Variants in PHF8 observed in about 807,000 individuals in gnomAD.
PHF8 encodes histone lysine demethylase PHF8.
In PHF8, 9 loss-of-function variants were observed where a neutral mutation model predicts 74.4. That is an observed-to-expected ratio of 0.12 (90% CI 0.07 to 0.21). PHF8 has a LOEUF of 0.21. Ranked by LOEUF, PHF8 falls within the 10% of genes least tolerant of loss-of-function variation. PHF8 has a pLI of 1.00. For missense variants in PHF8, 478 were observed against 816.6 expected (o/e 0.59, Z 5.05); for synonymous variants, 311 against 316.6 (o/e 0.98, Z 0.19).
intron 19 of PHF8, among the ~76,000 whole-genome samples, chrX:53,951,885 A>G (rs2064929699): frequency 8.9e-6 from 1 of 112,030 alleles, no homozygotes; most frequent in Non-Finnish European, 1.9e-5. Flanking sequence ...AAAACTATCA[A>G]TCAGGAATTC....
chrX:53,949,628 C>A (rs1475151888), intron 19 of PHF8, among the ~76,000 whole-genome samples: 1 of 108,456 alleles, frequency 9.2e-6, no homozygotes, highest in African/African-American at 3.4e-5. Context: ...CTGGCTAACA[C>A]AGTGAAACCC....
rs373942891 is a variant in PHF8, at chrX:54,036,309, A to T, written c.98+6322T>A. The stretch of plus-strand genomic sequence containing the variant: ...AAACAAATCTCAATAAATGTAAAGG[A>T]ATTGAAATCATACAAAGTATATTCT... On this transcript the variant is annotated intron_variant, in intron 2 of 21. Transcript: ENST00000338154. Among the ~76,000 whole-genome samples, 466 of 110,048 alleles carry T rather than the reference A, an allele frequency of 4.2e-3. 3 individuals carry two copies. The highest frequency in any genetic ancestry group is 0.015 in the African/African-American group (440 of 30,326).
intron 19 of PHF8, among the ~76,000 whole-genome samples, chrX:53,949,681 A>G (rs1403050587): frequency 3.7e-5 from 4 of 107,532 alleles, no homozygotes; most frequent in Non-Finnish European, 7.7e-5. Context: ...GCGTGGTGAC[A>G]GGCGCCTGTA....
intron 6 of PHF8, among the ~76,000 whole-genome samples, chrX:54,016,027 C>T (rs1051366485): frequency 9.0e-6 from 1 of 111,213 alleles, no homozygotes; most frequent in South Asian, 3.7e-4. Flanking sequence ...AGAAGGGTGT[C>T]CTAAGGTCTT....
intron 18 of PHF8, among the ~76,000 whole-genome samples, chrX:53,973,311 T>C (rs1027146207): frequency 2.8e-4 from 31 of 111,858 alleles, no homozygotes; most frequent in Non-Finnish European, 3.8e-4. Flanking sequence ...AAAATTCACA[T>C]TGAATGAAAA....
chrX:53,969,160 G>A (rs782098937), intron 18 of PHF8, among the ~76,000 whole-genome samples: 4 of 110,130 alleles, frequency 3.6e-5, no homozygotes, highest in Admixed American at 9.7e-5. Flanking sequence ...ACTTGAATCC[G>A]GGGGACAAAG....
chrX:53,983,174 C>CAA (rs782226902), intron 18 of PHF8, among the ~76,000 whole-genome samples: 152 of 52,155 alleles, frequency 2.9e-3, no homozygotes, highest in African/African-American at 8.1e-3. Flanking sequence ...GACTGTGTCT[C>CAA]AAAAAAAAAA....
At chrX:53,962,409 T>G (rs1447319835) in intron 19 of PHF8, among the ~76,000 whole-genome samples, 2 of 111,277 alleles carry the variant, frequency 1.8e-5, no homozygotes, top group Non-Finnish European at 3.8e-5. Flanking sequence ...CATTCTTCCC[T>G]CCTCAGAGAT....
At chrX:54,044,965 T>A, upstream of PHF8, 2 of 909,261 alleles carry the variant, frequency 2.2e-6, no homozygotes, top group Non-Finnish European at 3.1e-6. Context: ...AAGGAAGCTC[T>A]GTGATTATCA....
At chrX:53,998,497 T>C (rs782337278) in intron 11 of PHF8, among the ~76,000 whole-genome samples, 2 of 110,740 alleles carry the variant, frequency 1.8e-5, no homozygotes, top group East Asian at 2.8e-4. Flanking sequence ...TAAAATGATA[T>C]TGAAAAGCTT....
At chrX:54,017,903 G>A in intron 4 of PHF8, 82 bp from the exon 5 acceptor site, 2 of 966,710 alleles carry the variant, frequency 2.1e-6, no homozygotes, top group Non-Finnish European at 2.9e-6. Context: ...CACCCAAGAG[G>A]TGGGGTTTTT....
intron 19 of PHF8, among the ~76,000 whole-genome samples, chrX:53,961,604 C>T (rs374041844): frequency 2.6e-4 from 29 of 111,587 alleles, no homozygotes; most frequent in African/African-American, 9.4e-4. Flanking sequence ...CAGGTGTGAG[C>T]CACCAGGCCC....
Position 53,939,066 on chromosome X carries a change from G to C in PHF8, c.*92C>G. On this transcript the variant is annotated 3_prime_UTR_variant, in exon 22 of 22. Transcript: ENST00000338154. ...GCAGGACAATGCACCTCAGCACCTT[G>C]TCCAGGGCAGATAGGATCCAGGAGT... 8.5e-7 allele frequency: 1 copy of C among 1,172,314 alleles called. No individual in the cohort carries two copies.
intron 4 of PHF8, among the ~76,000 whole-genome samples, chrX:54,021,797 A>G (rs1456129012): frequency 2.7e-5 from 3 of 110,692 alleles, no homozygotes; most frequent in African/African-American, 9.8e-5. Context: ...AAACCTGAAC[A>G]TGGTCTACTG....
intron 18 of PHF8, among the ~76,000 whole-genome samples, chrX:53,968,761 T>A (rs1224485726): frequency 1.8e-5 from 2 of 110,819 alleles, no homozygotes; most frequent in African/African-American, 6.6e-5. Flanking sequence ...ATACAAAAAA[T>A]TAGCTGGGCG....
chrX:53,970,949 T>C (rs782723473), intron 18 of PHF8, among the ~76,000 whole-genome samples: 1 of 110,844 alleles, frequency 9.0e-6, no homozygotes, highest in African/African-American at 3.3e-5. Flanking sequence ...AGACAGAAAA[T>C]TAACAAAGAT....
intron 18 of PHF8, among the ~76,000 whole-genome samples, chrX:53,979,413 T>TA (rs1298851069): frequency 2.7e-5 from 3 of 110,831 alleles, no homozygotes; most frequent in African/African-American, 9.8e-5. Flanking sequence ...AAATAAAATT[T>TA]AAAAAACGCT....
chrX:54,034,435 T>C (rs1292013421), intron 2 of PHF8, among the ~76,000 whole-genome samples: 3 of 111,570 alleles, frequency 2.7e-5, no homozygotes, highest in Non-Finnish European at 5.6e-5. Context: ...CAGAGTTCGA[T>C]ATGAAGTGAA....
chrX:53,997,129 C>T (rs1464148103), intron 11 of PHF8, among the ~76,000 whole-genome samples: 1 of 111,526 alleles, frequency 9.0e-6, no homozygotes, highest in African/African-American at 3.3e-5. Context: ...AAGTCAAGGA[C>T]CTCAGGGAGA....
Sources: allele counts gnomAD v4.1 joint callset (sites outside exome capture counted in the v4.1 genomes callset), GRCh38; gene constraint gnomAD v4.1.1; transcripts MANE v1.5; gene names NCBI Gene and HGNC (gene_info 2026-07-23, HGNC 2026-07-21).